The following PRTG variants were observed in gnomAD, a reference collection of about 807,000 sequenced individuals.
The protein encoded by PRTG is immunoglobulin superfamily, DCC subclass, member 5.
Under a neutral mutation model 122.5 loss-of-function variants are expected in PRTG, and 67 were observed. The observed-to-expected ratio is 0.55, with a 90% CI of 0.45 to 0.67. The LOEUF (loss-of-function observed/expected upper bound fraction) is 0.67. Ranked by LOEUF, PRTG falls within the 30% of genes least tolerant of loss-of-function variation. The pLI is 0.00. For synonymous variants in PRTG, 554 were observed against 501.1 expected (o/e 1.11, Z -1.41); for missense variants, 1,435 against 1,415.4 (o/e 1.01, Z -0.22).
At chr15:55,729,601 TAAAATA>T (rs2031160209) in intron 2 of PRTG, among the ~76,000 whole-genome samples, 1 of 151,376 alleles carries the variant, frequency 6.6e-6, no homozygotes, top group Non-Finnish European at 1.5e-5. Flanking sequence ...AAAAATAAAA[TAAAATA>T]AAATAAAATA....
At chr15:55,725,792 GAC>G (rs2141875243) in intron 2 of PRTG, among the ~76,000 whole-genome samples, 1 of 152,262 alleles carries the variant, frequency 6.6e-6, no homozygotes, top group African/African-American at 2.4e-5. Context: ...ATCTATTTGA[GAC>G]ACAGTCTCAC....
intron 11 of PRTG, among the ~76,000 whole-genome samples, chr15:55,665,991 C>T (rs1281691131): frequency 6.6e-6 from 1 of 152,216 alleles, no homozygotes; most frequent in Non-Finnish European, 1.5e-5. Context: ...TTTTCCAAGG[C>T]TGCTTCTGTG....
At chr15:55,630,794 C>T (rs773995544) in intron 15 of PRTG, among the ~76,000 whole-genome samples, 5 of 152,142 alleles carry the variant, frequency 3.3e-5, no homozygotes, top group Non-Finnish European at 7.4e-5. Context: ...GTTGTTTCAG[C>T]ACTATGTTTG....
chr15:55,708,187 A>T (rs1028134141), intron 2 of PRTG, among the ~76,000 whole-genome samples: 6 of 146,044 alleles, frequency 4.1e-5, no homozygotes, highest in African/African-American at 1.5e-4. Flanking sequence ...ACAGAGGCAG[A>T]AGAGTTAGTG....
chr15:55,673,617 A>T lies in PRTG; in HGVS notation c.1606T>A (p.Ser536Thr). ...TSRSPTDILI[S>T]WLPIPAKYRR... ...TATTTGGCTGGGATTGGCAGCCAGGAGATGAGAATATCAGTGGGACTTCGA... is the reference window on the plus strand; with the variant it reads ...TATTTGGCTGGGATTGGCAGCCAGGTGATGAGAATATCAGTGGGACTTCGA... Residue 536 changes from serine to threonine, a missense_variant, in exon 10 of 20, where the codon TCC becomes ACC. Ser to Thr is a moderately conservative substitution (Grantham distance 58). Transcript: ENST00000389286. The T allele has an allele frequency of 6.2e-7, 1 of 1,614,190 alleles. No individual in the cohort carries two copies.
chr15:55,691,445 G>A (rs927466731), intron 2 of PRTG, among the ~76,000 whole-genome samples: 1 of 152,086 alleles, frequency 6.6e-6, no homozygotes, highest in African/African-American at 2.4e-5. Context: ...CACTTTGGGA[G>A]GCCAAGGAGG....
At chr15:55,641,054 G>T (rs2059287381) in intron 12 of PRTG, 59 bp downstream of exon 12, 1 of 1,132,900 alleles carries the variant, frequency 8.8e-7, no homozygotes, top group Non-Finnish European at 1.3e-6. Flanking sequence ...CTTAAAGGAG[G>T]AGGAGGAGAA....
intron 16 of PRTG, among the ~76,000 whole-genome samples, chr15:55,627,968 A>C (rs2059204773): frequency 6.6e-6 from 1 of 151,966 alleles, no homozygotes; most frequent in Admixed American, 6.6e-5. Flanking sequence ...TGGGCTCTAG[A>C]CTACTTTGAG....
intron 15 of PRTG, among the ~76,000 whole-genome samples, chr15:55,630,472 A>G (rs1467034118): frequency 6.6e-6 from 1 of 152,226 alleles, no homozygotes; most frequent in East Asian, 1.9e-4. Flanking sequence ...GAAAATGCAC[A>G]GTTACGCAGG....
At chr15:55,730,987 A>G (rs2031212081) in intron 2 of PRTG, among the ~76,000 whole-genome samples, 2 of 152,206 alleles carry the variant, frequency 1.3e-5, no homozygotes, top group African/African-American at 4.8e-5. Context: ...TGCAAGTGAA[A>G]GTAGGCAAGG....
intron 3 of PRTG, among the ~76,000 whole-genome samples, 170 bp from the exon 4 acceptor site, chr15:55,682,667 C>A (rs898233974): frequency 3.3e-5 from 5 of 151,776 alleles, no homozygotes; most frequent in Admixed American, 1.3e-4. Context: ...AGGGTTCAAG[C>A]GATTCTCCCG....
In PRTG at chr15:55,673,413, C is replaced by T; in HGVS notation, c.1810G>A (p.Val604Ile). 1 of 1,614,156 alleles carries T rather than the reference C, an allele frequency of 6.2e-7. No homozygotes were observed. ...TTGGGCGTCCTATGTGAAGTCCATA[C>T]TGATGACTCTCCCAGCCCCACTCTG... ...ATRVGLGESS[V>I]WTSHRTPKAT... Residue 604 changes from valine (V) to isoleucine (I), a missense_variant, in exon 10 of 20, where the codon GTA becomes ATA. Physicochemically the swap from Val to Ile is conservative, Grantham distance 29. Coordinates refer to ENST00000389286, the MANE Select transcript of PRTG (RefSeq NM_173814.6).
rs984199337 is a variant in PRTG at position 55,613,274 on chromosome 15, A to G, written c.*6738T>C. 1.3e-5 allele frequency: 2 copies of G among 152,158 alleles called. No homozygotes were observed. Among genetic ancestry groups the G allele is most frequent in the African/African-American group, 2.4e-5 (1 of 41,460 alleles). The allele number at this position is 152,158 out of a possible 1,614,324, so 9.4% of individuals were successfully genotyped here. On this transcript the variant is annotated 3_prime_UTR_variant, in exon 20 of 20. Transcript: ENST00000389286. ...TAATGCAAATAATAAATTAGTTTATATTCATAAAAAATCATGAACTCTTCA... is the reference window on the plus strand; with the variant it reads ...TAATGCAAATAATAAATTAGTTTATGTTCATAAAAAATCATGAACTCTTCA...
chr15:55,656,550 C>T (rs925684709), intron 11 of PRTG, among the ~76,000 whole-genome samples: 2 of 152,126 alleles, frequency 1.3e-5, no homozygotes, highest in African/African-American at 4.8e-5. Context: ...CTCTGTTGCC[C>T]AGGCTGGAGT....
chr15:55,665,141 T>C (rs2059431854), intron 11 of PRTG, among the ~76,000 whole-genome samples: 1 of 151,916 alleles, frequency 6.6e-6, no homozygotes, highest in African/African-American at 2.4e-5. Context: ...GTGCCTGTAG[T>C]CCCAGCTACT....
At chr15:55,709,595 T>C (rs2030299405) in intron 2 of PRTG, among the ~76,000 whole-genome samples, 1 of 152,024 alleles carries the variant, frequency 6.6e-6, no homozygotes. Context: ...TCCTAACAGG[T>C]TTATGTGTAA....
intron 11 of PRTG, among the ~76,000 whole-genome samples, chr15:55,648,047 C>T (rs977117974): frequency 3.9e-5 from 6 of 152,190 alleles, no homozygotes; most frequent in Non-Finnish European, 8.8e-5. Context: ...TTACCCACAT[C>T]TTCCATATTG....
chr15:55,695,703 G>A (rs955911899), intron 2 of PRTG, among the ~76,000 whole-genome samples: 3 of 152,194 alleles, frequency 2.0e-5, no homozygotes, highest in African/African-American at 7.2e-5. Context: ...GGAGGGCTGG[G>A]CGCAGCGGCT....
intron 2 of PRTG, among the ~76,000 whole-genome samples, chr15:55,739,478 C>G (rs183781466): frequency 1.6e-4 from 24 of 152,248 alleles, no homozygotes; most frequent in Middle Eastern, 3.4e-3. Flanking sequence ...AGTGCGAAAT[C>G]TATGCTTTGT....
Sources: allele counts gnomAD v4.1 joint callset (sites outside exome capture counted in the v4.1 genomes callset), GRCh38; gene constraint gnomAD v4.1.1; transcripts MANE v1.5; gene names NCBI Gene and HGNC (gene_info 2026-07-23, HGNC 2026-07-21).